The following PRR33 variants were observed in gnomAD, a reference collection of about 807,000 sequenced individuals.
PRR33 encodes the protein proline rich 33.
In PRR33, 1 loss-of-function variant was observed where a neutral mutation model predicts 0.5. The ratio of observed to expected loss-of-function variants is 2.18; its 90% CI spans 0.77 to 10.34. PRR33 has a LOEUF of 10.34. PRR33 is among the 30% of genes most tolerant of loss of function. The probability of loss-of-function intolerance (pLI) is 0.13; values close to 1 mark genes in which losing one functional copy is unlikely to be tolerated. For synonymous variants in PRR33, 226 were observed against 110.0 expected (o/e 2.06, Z -6.60); for missense variants, 552 against 251.8 (o/e 2.19, Z -8.07).
chr11:1,899,986 C>A, the PRR33 span, among the ~76,000 whole-genome samples: 1 of 151,638 alleles, frequency 6.6e-6, no homozygotes, highest in Non-Finnish European at 1.5e-5. Context: ...AAACATTGGT[C>A]GTAAACCATT....
chr11:1,890,615 T>C (rs1263604093), exon 1 of PRR33: 8 of 693,516 alleles, frequency 1.2e-5, no homozygotes, highest in African/African-American at 3.5e-5. Context: ...GGGACAGTGG[T>C]CAGGCCAGCC....
chr11:1,890,248 G>A (rs183686134), exon 1 of PRR33: 167 of 715,822 alleles, frequency 2.3e-4, no homozygotes, highest in African/African-American at 2.3e-3. Context: ...TGCGGGGAGC[G>A]GGGTAGGGCA....
chr11:1,907,531 C>T, the PRR33 span, among the ~76,000 whole-genome samples: 9 of 152,202 alleles, frequency 5.9e-5, no homozygotes, highest in African/African-American at 2.2e-4. Flanking sequence ...CCTGCCTAAG[C>T]CTCCCCAGTA....
the PRR33 span, among the ~76,000 whole-genome samples, chr11:1,910,257 GT>G: frequency 3.3e-5 from 5 of 149,656 alleles, no homozygotes; most frequent in Non-Finnish European, 6.0e-5. Context: ...CCATTGTGGT[GT>G]TTTTTTTTTG....
the PRR33 span, among the ~76,000 whole-genome samples, chr11:1,900,531 C>T: frequency 1.3e-5 from 2 of 152,176 alleles, no homozygotes; most frequent in Non-Finnish European, 2.9e-5. Flanking sequence ...TTTCACGAAC[C>T]TCCTGGAGGA....
chr11:1,910,683 A>G, the PRR33 span, among the ~76,000 whole-genome samples: 3 of 152,214 alleles, frequency 2.0e-5, no homozygotes, highest in Non-Finnish European at 4.4e-5. Context: ...GTCTCAATCA[A>G]CGATCCCATC....
At chr11:1,904,425 A>G in the PRR33 span, among the ~76,000 whole-genome samples, 48 of 151,966 alleles carry the variant, frequency 3.2e-4, no homozygotes, top group Non-Finnish European at 1.3e-4. Flanking sequence ...GCTACTCCAG[A>G]GACTGAAGCA....
At chr11:1,904,411 C>T in the PRR33 span, among the ~76,000 whole-genome samples, 1 of 151,982 alleles carries the variant, frequency 6.6e-6, no homozygotes, top group Non-Finnish European at 1.5e-5. Flanking sequence ...TGCCTGTAAT[C>T]CCAGCTACTC....
At chr11:1,901,655 A>G in the PRR33 span, among the ~76,000 whole-genome samples, 1 of 152,210 alleles carries the variant, frequency 6.6e-6, no homozygotes, top group Non-Finnish European at 1.5e-5. Context: ...TATATATGAA[A>G]AGCTATTTAA....
chr11:1,915,008 C>G, the PRR33 span, among the ~76,000 whole-genome samples: 4 of 147,206 alleles, frequency 2.7e-5, no homozygotes, highest in Non-Finnish European at 4.5e-5. Flanking sequence ...TGATATTTCT[C>G]TGTGTGTGTG....
At chr11:1,896,648 T>C (rs1169339939), upstream of PRR33, among the ~76,000 whole-genome samples, 1 of 152,198 alleles carries the variant, frequency 6.6e-6, no homozygotes, top group East Asian at 1.9e-4. Flanking sequence ...GGGGGCCTAA[T>C]TGCACGAGCA....
At chr11:1,910,289 G>C in the PRR33 span, among the ~76,000 whole-genome samples, 1 of 152,050 alleles carries the variant, frequency 6.6e-6, no homozygotes, top group African/African-American at 2.4e-5. Context: ...TCGCTCTGTT[G>C]CCCAGACTGG....
At chr11:1,905,636 T>C in the PRR33 span, among the ~76,000 whole-genome samples, 1 of 150,882 alleles carries the variant, frequency 6.6e-6, no homozygotes, top group East Asian at 2.0e-4. Context: ...ACGGGGTTTC[T>C]ACCAAACCCT....
exon 1 of PRR33, chr11:1,889,167 G>A (rs972204373): frequency 1.0e-5 from 7 of 671,074 alleles, no homozygotes; most frequent in East Asian, 2.8e-5. Flanking sequence ...CCAGCCAGTC[G>A]CTGTGCGGTT....
chr11:1,907,634 G>A, the PRR33 span, among the ~76,000 whole-genome samples: 1 of 152,186 alleles, frequency 6.6e-6, no homozygotes, highest in South Asian at 2.1e-4. Context: ...GGCACGTCTC[G>A]AACTCCTAAC....
chr11:1,904,114 C>T, the PRR33 span, among the ~76,000 whole-genome samples: 1 of 152,204 alleles, frequency 6.6e-6, no homozygotes, highest in South Asian at 2.1e-4. Context: ...TCCCACGATC[C>T]CCAGCTGCTC....
chr11:1,905,579 T>C, the PRR33 span, among the ~76,000 whole-genome samples: 3 of 151,562 alleles, frequency 2.0e-5, no homozygotes, highest in Admixed American at 6.6e-5. Context: ...GCTGGGATTA[T>C]AGGCGTGTGC....
At chr11:1,889,124 C>A in exon 1 of PRR33, 1 of 625,614 alleles carries the variant, frequency 1.6e-6, no homozygotes, top group South Asian at 1.8e-5. Context: ...GTCCTGGGCT[C>A]TGGGGGCCAT....
chr11:1,891,382 CA>C (rs1013773354), exon 1 of PRR33: 5 of 151,908 alleles, frequency 3.3e-5, no homozygotes, highest in African/African-American at 1.2e-4. Flanking sequence ...AAGGCAAGAA[CA>C]GAGCTGCTGG....
Sources: gnomAD v4.1 joint callset for allele counts (sites outside exome capture counted in the v4.1 genomes callset) on GRCh38, gnomAD v4.1.1 for gene constraint, MANE v1.5 for transcripts, NCBI Gene and HGNC (gene_info 2026-07-23, HGNC 2026-07-21) for gene names.